TRPC5: variants seen among roughly 807,000 people sequenced by gnomAD.
TRPC5 encodes transient receptor potential cation channel subfamily C member 5, also known as short transient receptor potential channel 5.
TRPC5 carries 9 observed loss-of-function variants against 56.5 expected under a neutral mutation model. That is an observed-to-expected ratio of 0.16 (90% CI 0.10 to 0.28). TRPC5 has a LOEUF of 0.28. Ranked by LOEUF, TRPC5 falls within the 10% of genes least tolerant of loss-of-function variation. TRPC5 has a pLI of 1.00. For synonymous variants in TRPC5, 282 were observed against 278.5 expected (o/e 1.01, Z -0.13); for missense variants, 469 against 748.9 (o/e 0.63, Z 4.36).
intron 3 of TRPC5, among the ~76,000 whole-genome samples, chrX:111,905,651 A>T (rs927058334): frequency 8.9e-6 from 1 of 111,968 alleles, no homozygotes; most frequent in African/African-American, 3.3e-5. Flanking sequence ...GCGGTGGCTC[A>T]CGCCTGTAAT....
intron 3 of TRPC5, among the ~76,000 whole-genome samples, chrX:111,905,493 A>G (rs112023569): frequency 2.0e-3 from 229 of 112,382 alleles, no homozygotes; most frequent in Middle Eastern, 9.2e-3. Context: ...ACATCTCTTC[A>G]GGGTAATAAA....
At chrX:111,991,051 A>C (rs1471860337) in intron 1 of TRPC5, among the ~76,000 whole-genome samples, 3 of 109,654 alleles carry the variant, frequency 2.7e-5, no homozygotes, top group Non-Finnish European at 5.7e-5. Flanking sequence ...ATCAGAAACT[A>C]CTCTTTTACT....
At chrX:111,832,311 C>G (rs1922432449) in intron 7 of TRPC5, among the ~76,000 whole-genome samples, 1 of 112,040 alleles carries the variant, frequency 8.9e-6, no homozygotes, top group Admixed American at 9.5e-5. Flanking sequence ...ATTGGTATTA[C>G]CTGATGTTCT....
chrX:111,992,026 G>C (rs1173678320), intron 1 of TRPC5, among the ~76,000 whole-genome samples: 2 of 112,196 alleles, frequency 1.8e-5, no homozygotes, highest in East Asian at 5.6e-4. Flanking sequence ...TCAATTTAGG[G>C]TTCAGCACTG....
At chrX:111,937,923 A>C (rs1254886980) in intron 2 of TRPC5, among the ~76,000 whole-genome samples, 6 of 101,405 alleles carry the variant, frequency 5.9e-5, no homozygotes, top group Non-Finnish European at 1.2e-4. Flanking sequence ...TTGAATCTAT[A>C]AATTACCTTG....
chrX:111,973,230 C>T (rs1927830112), intron 1 of TRPC5, among the ~76,000 whole-genome samples: 2 of 112,008 alleles, frequency 1.8e-5, no homozygotes, highest in Admixed American at 9.6e-5. Flanking sequence ...TCTATTTCCA[C>T]TGCCTCTGCC....
rs751577767 is a variant in TRPC5, at chrX:111,973,395, CT to C, written c.-21-20955del. On this transcript the variant is annotated intron_variant, in intron 1 of 10. Transcript: ENST00000262839. ...AGAGGATTCTTAGAAATTGAAAAGA[CT>C]TCAAGATCTTTAGTAATGAATTTTT... Among the ~76,000 whole-genome samples the C allele has an allele frequency of 4.6e-4, 52 of 112,103 alleles. 1 individual carries two copies. Among genetic ancestry groups the C allele is most frequent in the African/African-American group, 1.6e-3 (50 of 30,886 alleles).
At chrX:111,821,938 A>G (rs1922045077) in intron 7 of TRPC5, among the ~76,000 whole-genome samples, 1 of 111,140 alleles carries the variant, frequency 9.0e-6, no homozygotes. Context: ...GGTTGGCACA[A>G]CCCTTCAGAG....
intron 1 of TRPC5, among the ~76,000 whole-genome samples, chrX:111,986,963 C>T (rs1328115443): frequency 9.0e-6 from 1 of 111,637 alleles, no homozygotes; most frequent in Non-Finnish European, 1.9e-5. Context: ...AATCCCTGAG[C>T]TCATTCTTTT....
chrX:111,910,252 T>C (rs1925772673), intron 3 of TRPC5, among the ~76,000 whole-genome samples: 1 of 112,296 alleles, frequency 8.9e-6, no homozygotes, highest in Non-Finnish European at 1.9e-5. Context: ...TGATTTTTTT[T>C]CTCACAGTAT....
intron 3 of TRPC5, chrX:111,904,033 AC>A (rs1925493121): frequency 8.9e-6 from 1 of 112,182 alleles, no homozygotes. Context: ...TTTGGAGGCT[AC>A]CAAATGGGCC....
At chrX:111,895,428 G>A in intron 3 of TRPC5, among the ~76,000 whole-genome samples, 1 of 111,718 alleles carries the variant, frequency 9.0e-6, no homozygotes, top group Non-Finnish European at 1.9e-5. Context: ...TGAATGTAGT[G>A]GATAGAAGTC....
intron 7 of TRPC5, among the ~76,000 whole-genome samples, chrX:111,805,733 G>T (rs1417447391): frequency 9.0e-6 from 1 of 111,163 alleles, no homozygotes; most frequent in Non-Finnish European, 1.9e-5. Context: ...GAGTGCAGTG[G>T]TGCTATCTCA....
At chrX:111,936,468 G>C (rs1162437285) in intron 2 of TRPC5, among the ~76,000 whole-genome samples, 2 of 109,678 alleles carry the variant, frequency 1.8e-5, no homozygotes, top group Non-Finnish European at 3.8e-5. Flanking sequence ...AGCATTAGGT[G>C]TATCTCCTAA....
chrX:111,893,431 T>C (rs7876745), intron 3 of TRPC5, among the ~76,000 whole-genome samples: 18,511 of 111,115 alleles, frequency 0.17, 2,800 homozygotes, highest in African/African-American at 0.49. Context: ...GAGTGTCTAT[T>C]CTCATGTTTG....
rs1427995258 is a variant in TRPC5 at position 111,912,611 on chromosome X, G to A, written c.580C>T (p.Arg194Cys). 1.7e-6 allele frequency: 2 copies of A among 1,211,494 alleles called. No homozygotes were observed. The highest frequency in any genetic ancestry group is 3.0e-5 in the East Asian group (1 of 33,831). Reference sequence around the variant, plus strand: ...GCCTTATAGATGTTCAGTCGGGAGCGAGAGTGGCGCAGGCTGTCTACCTCT... The same window carrying A: ...GCCTTATAGATGTTCAGTCGGGAGCAAGAGTGGCGCAGGCTGTCTACCTCT... ...SSEVDSLRHS[R>C]SRLNIYKALA... The change falls in exon 3 of 11, where the codon CGC becomes TGC. Residue 194 changes from arginine (R) to cysteine (C), a missense_variant. Around this residue, in one of 3 missense-constraint regions of TRPC5, gnomAD observed 118 missense variants for 167.1 expected, o/e 0.71. Transcript: ENST00000262839.
chrX:111,821,584 G>T (rs192796840), intron 7 of TRPC5, among the ~76,000 whole-genome samples: 18 of 111,906 alleles, frequency 1.6e-4, no homozygotes, highest in Non-Finnish European at 2.3e-4. Context: ...CAAGGCTCCA[G>T]TAACCACAGG....
chrX:111,840,459 A>G (rs1409292816), intron 6 of TRPC5, among the ~76,000 whole-genome samples: 1 of 112,694 alleles, frequency 8.9e-6, no homozygotes, highest in Non-Finnish European at 1.9e-5. Flanking sequence ...AATGACAGGA[A>G]AAAAAGTCTG....
intron 3 of TRPC5, among the ~76,000 whole-genome samples, chrX:111,872,808 A>C (rs1360817027): frequency 8.9e-6 from 1 of 112,173 alleles, no homozygotes; most frequent in African/African-American, 3.2e-5. Context: ...GCCACAATGA[A>C]ATACCATCTC....
Sources: gnomAD v4.1 joint callset for allele counts (sites outside exome capture counted in the v4.1 genomes callset) on GRCh38, gnomAD v4.1.1 for gene constraint, gnomAD v4.1.1 regional missense constraint, MANE v1.5 for transcripts, NCBI Gene and HGNC (gene_info 2026-07-23, HGNC 2026-07-21) for gene names.